The following RBFOX1 variants were observed in gnomAD, a reference collection of about 807,000 sequenced individuals.
RBFOX1 encodes the protein RNA binding protein fox-1 homolog 1.
Under a neutral mutation model 57.7 loss-of-function variants are expected in RBFOX1, and 8 were observed. The ratio of observed to expected loss-of-function variants is 0.14; its 90% CI spans 0.08 to 0.25. The LOEUF (loss-of-function observed/expected upper bound fraction) is 0.25. Among genes scored for constraint, RBFOX1 ranks in the 10% least tolerant of loss-of-function variants. The pLI is 1.00. For synonymous variants in RBFOX1, 326 were observed against 222.4 expected, an observed-to-expected ratio of 1.47 and a Z score of -4.15; for missense variants, 611 against 548.5, an observed-to-expected ratio of 1.11 and a Z score of -1.14.
intron 1 of RBFOX1, among the ~76,000 whole-genome samples, chr16:6,283,076 C>T (rs2076558584): frequency 6.6e-6 from 1 of 152,200 alleles, no homozygotes; most frequent in South Asian, 2.1e-4. Context: ...CCTGTAATCC[C>T]AGCCCTTGGG....
At chr16:6,703,969 C>T (rs1357346268) in intron 3 of RBFOX1, 4 of 152,378 alleles carry the variant, frequency 2.6e-5, no homozygotes, top group African/African-American at 7.2e-5. Context: ...AGGTCCCAGT[C>T]CCCCTGCTTT....
At chr16:5,574,396 A>G (rs944146633) in intron 2 of RBFOX1, among the ~76,000 whole-genome samples, 1 of 149,962 alleles carries the variant, frequency 6.7e-6, no homozygotes, top group Non-Finnish European at 1.5e-5. Flanking sequence ...CTTTTGTTTT[A>G]TAAATTAGGA....
chr16:6,695,997 C>A (rs1234114394), intron 3 of RBFOX1, among the ~76,000 whole-genome samples: 1 of 152,166 alleles, frequency 6.6e-6, no homozygotes, highest in African/African-American at 2.4e-5. Flanking sequence ...ACACACTGAT[C>A]TGATTTCTAC....
intron 3 of RBFOX1, among the ~76,000 whole-genome samples, chr16:6,959,804 G>T (rs1408301847): frequency 6.6e-6 from 1 of 152,122 alleles, no homozygotes; most frequent in African/African-American, 2.4e-5. Flanking sequence ...GGGTGTGTTG[G>T]CAGGCACCTG....
intron 3 of RBFOX1, among the ~76,000 whole-genome samples, chr16:5,782,304 C>G (rs939371807): frequency 3.3e-5 from 5 of 152,198 alleles, no homozygotes; most frequent in African/African-American, 9.6e-5. Flanking sequence ...CTGCATTTCA[C>G]AATGACATCT....
intron 3 of RBFOX1, among the ~76,000 whole-genome samples, chr16:5,834,591 T>C (rs1026481283): frequency 8.1e-5 from 12 of 147,358 alleles, no homozygotes; most frequent in African/African-American, 3.2e-4. Flanking sequence ...GATAGATAGA[T>C]AGATAGATAG....
intron 3 of RBFOX1, among the ~76,000 whole-genome samples, chr16:5,851,933 A>G (rs894135103): frequency 1.3e-5 from 2 of 152,146 alleles, no homozygotes; most frequent in African/African-American, 4.8e-5. Flanking sequence ...CCATCATTAG[A>G]GGCACCCGAA....
chr16:5,595,207 A>G (rs1349024095), intron 2 of RBFOX1, among the ~76,000 whole-genome samples: 1 of 152,154 alleles, frequency 6.6e-6, no homozygotes, highest in Non-Finnish European at 1.5e-5. Context: ...GACCCTGTAA[A>G]GGCAGTTGTT....
At chr16:5,252,994 G>C (rs1474703808) in intron 1 of RBFOX1, among the ~76,000 whole-genome samples, 1 of 152,142 alleles carries the variant, frequency 6.6e-6, no homozygotes. Flanking sequence ...ATCCACCGCC[G>C]GTGTGCCTGA....
At chr16:6,283,402 T>A (rs2076592118) in intron 1 of RBFOX1, among the ~76,000 whole-genome samples, 1 of 152,222 alleles carries the variant, frequency 6.6e-6, no homozygotes, top group Non-Finnish European at 1.5e-5. Flanking sequence ...GTGAATGGGC[T>A]AAATTTTTAT....
chr16:5,994,008 TGAG>T (rs1300700505), intron 4 of RBFOX1, among the ~76,000 whole-genome samples: 1 of 152,154 alleles, frequency 6.6e-6, no homozygotes, highest in Non-Finnish European at 1.5e-5. Flanking sequence ...AAGCATGACT[TGAG>T]GAGTCCTTTC....
At chr16:7,707,308 C>G (rs1184577102) in intron 14 of RBFOX1, among the ~76,000 whole-genome samples, 1 of 152,088 alleles carries the variant, frequency 6.6e-6, no homozygotes, top group Admixed American at 6.5e-5. Flanking sequence ...TTCACCTTCT[C>G]AGACTCCATG....
At chr16:6,708,450 T>C in intron 3 of RBFOX1, among the ~76,000 whole-genome samples, 1 of 152,194 alleles carries the variant, frequency 6.6e-6, no homozygotes, top group East Asian at 1.9e-4. Context: ...TTGTGAAAAG[T>C]GTTCCTTTCT....
intron 1 of RBFOX1, among the ~76,000 whole-genome samples, chr16:6,148,110 C>T (rs895629758): frequency 1.3e-5 from 2 of 152,220 alleles, no homozygotes; most frequent in Non-Finnish European, 2.9e-5. Flanking sequence ...GGGTGGATCA[C>T]CTGAGGTCAG....
At chr16:7,389,165 A>T (rs775466621) in intron 4 of RBFOX1, among the ~76,000 whole-genome samples, 1 of 152,054 alleles carries the variant, frequency 6.6e-6, no homozygotes. Context: ...TCACTGTGTC[A>T]CCCAGGCTGG....
intron 2 of RBFOX1, among the ~76,000 whole-genome samples, chr16:5,477,870 G>A (rs1006540699): frequency 5.9e-5 from 9 of 152,174 alleles, no homozygotes; most frequent in African/African-American, 1.7e-4. Context: ...GCCAGTTAGC[G>A]TGATGTTTTT....
rs751408498 is a variant in RBFOX1, at chr16:5,508,698, A to G, written c.258+41444A>G. ...GGGGAGGACTGCACAGAGCGATTGC[A>G]CAGAGTGCCATACCCAAGGTGGGGC... is the stretch of plus-strand genomic sequence containing the variant. On this transcript the variant is annotated intron_variant, in intron 2 of 2. Transcript: ENST00000585867. 5.5e-4 allele frequency among the ~76,000 whole-genome samples: 84 copies of G among 152,280 alleles called. 1 individual carries two copies. Among genetic ancestry groups the G allele is most frequent in the Middle Eastern group, 3.4e-3 (1 of 294 alleles).
At chr16:5,617,656 T>C (rs2048076969) in intron 3 of RBFOX1, among the ~76,000 whole-genome samples, 1 of 152,182 alleles carries the variant, frequency 6.6e-6, no homozygotes, top group Non-Finnish European at 1.5e-5. Context: ...TCAGTGAAAA[T>C]GAGTTGTTTC....
chr16:7,488,459 C>T (rs955095408), intron 4 of RBFOX1, among the ~76,000 whole-genome samples: 1 of 151,950 alleles, frequency 6.6e-6, no homozygotes, highest in African/African-American at 2.4e-5. Flanking sequence ...GTCTATCATT[C>T]TATCACTCTG....
Sources: allele counts gnomAD v4.1 joint callset (sites outside exome capture counted in the v4.1 genomes callset), GRCh38; gene constraint gnomAD v4.1.1; transcripts MANE v1.5; gene names NCBI Gene and HGNC (gene_info 2026-07-23, HGNC 2026-07-21).